Variants in ROR2 observed in about 807,000 individuals in gnomAD.
The protein encoded by ROR2 is ROR family WNT receptor 2, also known as tyrosine-protein kinase transmembrane receptor ROR2.
Under a neutral mutation model 74.9 loss-of-function variants are expected in ROR2, and 33 were observed. The ratio of observed to expected loss-of-function variants is 0.44; its 90% CI spans 0.33 to 0.59. The LOEUF (loss-of-function observed/expected upper bound fraction) is 0.59. ROR2 is among the 20% of genes least tolerant of loss of function. ROR2 has a pLI of 0.02. For synonymous variants in ROR2, 586 were observed against 558.7 expected, an observed-to-expected ratio of 1.05 and a Z score of -0.69; for missense variants, 1,216 against 1,313.8, an observed-to-expected ratio of 0.93 and a Z score of 1.15.
chr9:91,901,585 G>A (rs546133319), intron 1 of ROR2, among the ~76,000 whole-genome samples: 2 of 152,230 alleles, frequency 1.3e-5, no homozygotes, highest in South Asian at 2.1e-4. Flanking sequence ...GGAGGCTAAG[G>A]CAGGCGGATC....
In ROR2 at chr9:91,733,808, C is replaced by T. The variant is rs777813837; in HGVS notation, c.623-372G>A. On this transcript the variant is annotated intron_variant, in intron 5 of 8. Transcript: ENST00000375708. This position sits in a 1 kb window ranked among gnomAD's most constrained non-coding sequence, Gnocchi z 5.7. ...GATGCAAAAGCAGATCCTAAGGACCCGCCATGTGTGGAGAGCGCAGGCCAA... is the reference window on the plus strand; with the variant it reads ...GATGCAAAAGCAGATCCTAAGGACCTGCCATGTGTGGAGAGCGCAGGCCAA... Among the ~76,000 whole-genome samples, 5 of 152,160 alleles carry T rather than the reference C, an allele frequency of 3.3e-5. No individual in the cohort carries two copies. Among genetic ancestry groups the T allele is most frequent in the Admixed American group, 6.5e-5 (1 of 15,280 alleles).
chr9:91,924,807 C>G (rs931227010), intron 1 of ROR2, among the ~76,000 whole-genome samples: 1 of 151,908 alleles, frequency 6.6e-6, no homozygotes, highest in Admixed American at 6.6e-5. Flanking sequence ...TCTGATTCAA[C>G]AGACGCGGGG....
chr9:91,921,583 G>T (rs1831263005), intron 1 of ROR2, among the ~76,000 whole-genome samples: 1 of 152,184 alleles, frequency 6.6e-6, no homozygotes, highest in African/African-American at 2.4e-5. Context: ...AGTAAATGAA[G>T]CCGGGTGTGG....
intron 1 of ROR2, among the ~76,000 whole-genome samples, chr9:91,791,035 T>G (rs911255796): frequency 6.6e-6 from 1 of 152,234 alleles, no homozygotes; most frequent in Admixed American, 6.5e-5. Flanking sequence ...ATAAATATTT[T>G]TATAAACAGT....
chr9:91,907,874 G>A (rs1830859787), intron 1 of ROR2, among the ~76,000 whole-genome samples: 1 of 152,118 alleles, frequency 6.6e-6, no homozygotes, highest in South Asian at 2.1e-4. Flanking sequence ...CCCCACCCCA[G>A]GTCAGCTTGG....
chr9:91,739,314 C>G (rs990043363), intron 4 of ROR2, among the ~76,000 whole-genome samples: 2 of 152,060 alleles, frequency 1.3e-5, no homozygotes, highest in African/African-American at 2.4e-5. Context: ...CGAGACCAGT[C>G]TGGGCAACAT....
At chr9:91,944,096 A>C (rs149895738) in intron 1 of ROR2, among the ~76,000 whole-genome samples, 4 of 152,228 alleles carry the variant, frequency 2.6e-5, no homozygotes, top group Non-Finnish European at 4.4e-5. Flanking sequence ...TTTCATCATC[A>C]TATGAACATC....
At chr9:91,939,894 G>T (rs560841898) in intron 1 of ROR2, among the ~76,000 whole-genome samples, 88 of 152,268 alleles carry the variant, frequency 5.8e-4, no homozygotes, top group African/African-American at 2.0e-3. Flanking sequence ...GAATAAACGG[G>T]ACTGGGAAGG....
intron 4 of ROR2, among the ~76,000 whole-genome samples, chr9:91,753,532 A>C (rs1360177493): frequency 1.3e-5 from 2 of 152,262 alleles, no homozygotes; most frequent in Non-Finnish European, 1.5e-5. Flanking sequence ...AGTTTTAAAA[A>C]GGGGATGCCT....
chr9:91,816,706 C>A (rs368391113), intron 1 of ROR2, among the ~76,000 whole-genome samples: 4 of 145,058 alleles, frequency 2.8e-5, no homozygotes, highest in South Asian at 2.3e-4. Flanking sequence ...ACCCCCCCAA[C>A]ACACACACTC....
chr9:91,933,100 C>T (rs1363317363), intron 1 of ROR2, among the ~76,000 whole-genome samples: 2 of 152,084 alleles, frequency 1.3e-5, no homozygotes, highest in African/African-American at 4.8e-5. Flanking sequence ...ATCATGAGGT[C>T]AGAACATCGA....
At chr9:91,766,988 G>A (rs1038984981) in intron 2 of ROR2, among the ~76,000 whole-genome samples, 5 of 152,166 alleles carry the variant, frequency 3.3e-5, no homozygotes. Context: ...ACAGGGAGCT[G>A]AGTCCAAGCA....
At chr9:91,731,529 C>T (rs1408468539) in intron 6 of ROR2, among the ~76,000 whole-genome samples, 1 of 152,212 alleles carries the variant, frequency 6.6e-6, no homozygotes, top group Non-Finnish European at 1.5e-5. Flanking sequence ...TCTCAGGACA[C>T]CCTGCTCAGC....
At chr9:91,848,783 A>C (rs972705842) in intron 1 of ROR2, among the ~76,000 whole-genome samples, 1 of 142,912 alleles carries the variant, frequency 7.0e-6, no homozygotes, top group African/African-American at 2.6e-5. Flanking sequence ...AAAAAAAAAA[A>C]AAACAGTTGG....
intron 1 of ROR2, among the ~76,000 whole-genome samples, chr9:91,847,211 T>C (rs1327836444): frequency 6.6e-6 from 1 of 152,134 alleles, no homozygotes; most frequent in Non-Finnish European, 1.5e-5. Context: ...TGTGCAGGTC[T>C]GCAGACAGCA....
chr9:91,813,640 C>T (rs930818722), intron 1 of ROR2, among the ~76,000 whole-genome samples: 1 of 152,200 alleles, frequency 6.6e-6, no homozygotes, highest in Admixed American at 6.5e-5. Flanking sequence ...CAATGGGCCC[C>T]GCCTTGAACC....
At chr9:91,778,737 C>A (rs542430076) in intron 1 of ROR2, among the ~76,000 whole-genome samples, 1 of 152,126 alleles carries the variant, frequency 6.6e-6, no homozygotes, top group South Asian at 2.1e-4. Flanking sequence ...GAATGTCATC[C>A]GTATGACAGG....
chr9:91,799,245 C>T (rs1420065296), intron 1 of ROR2, among the ~76,000 whole-genome samples: 3 of 152,128 alleles, frequency 2.0e-5, no homozygotes, highest in Admixed American at 6.5e-5. Flanking sequence ...CTGCCAAAGC[C>T]GAAGACATTT....
chr9:91,740,097 C>G (rs1027097660), intron 4 of ROR2, among the ~76,000 whole-genome samples: 1 of 152,182 alleles, frequency 6.6e-6, no homozygotes, highest in African/African-American at 2.4e-5. Flanking sequence ...GGTTGTTCCC[C>G]CTGTTGCAGG....
Sources: allele counts gnomAD v4.1 joint callset (sites outside exome capture counted in the v4.1 genomes callset), GRCh38; gene constraint gnomAD v4.1.1; non-coding constraint Gnocchi (gnomAD v3.1); transcripts MANE v1.5; gene names NCBI Gene and HGNC (gene_info 2026-07-23, HGNC 2026-07-21).